The following PPCDC variants were observed in gnomAD, a reference collection of about 807,000 sequenced individuals.
PPCDC encodes the protein phosphopantothenoylcysteine decarboxylase.
A neutral mutation model predicts 20.7 loss-of-function variants in PPCDC; 20 were observed. The ratio of observed to expected loss-of-function variants is 0.97; its 90% CI spans 0.68 to 1.41. PPCDC has a LOEUF of 1.41. Ranked by LOEUF, PPCDC falls within the 40% of genes most tolerant of loss-of-function variation. PPCDC has a pLI of 0.00. For synonymous variants in PPCDC, 88 were observed against 100.3 expected (o/e 0.88, Z 0.73); for missense variants, 246 against 263.8 (o/e 0.93, Z 0.47).
At chr15:75,043,142 T>C (rs960251951) in intron 2 of PPCDC, 4 of 304,374 alleles carry the variant, frequency 1.3e-5, no homozygotes, top group Non-Finnish European at 2.5e-5. Context: ...CCACTGGGCC[T>C]ACCTCTGCCC....
chr15:75,041,826 G>A (rs1023015958), intron 2 of PPCDC, among the ~76,000 whole-genome samples: 1 of 152,120 alleles, frequency 6.6e-6, no homozygotes, highest in African/African-American at 2.4e-5. Flanking sequence ...GTTCCTAGGC[G>A]CTGTGCCGCT....
chr15:75,036,660 G>C (rs1269187580), intron 2 of PPCDC, among the ~76,000 whole-genome samples: 3 of 152,146 alleles, frequency 2.0e-5, no homozygotes, highest in African/African-American at 7.2e-5. Flanking sequence ...AGGCTTAACA[G>C]GACCCCGGGT....
At chr15:75,028,564 T>A (rs1294797180) in intron 2 of PPCDC, 111 bp downstream of exon 2, 7 of 1,456,528 alleles carry the variant, frequency 4.8e-6, no homozygotes, top group Non-Finnish European at 6.6e-6. Context: ...TTTATCATGT[T>A]AATCATGCTT....
intron 2 of PPCDC, among the ~76,000 whole-genome samples, chr15:75,035,828 G>A (rs1401019748): frequency 1.3e-5 from 2 of 152,040 alleles, no homozygotes; most frequent in African/African-American, 4.8e-5. Flanking sequence ...TTAGCTGGGC[G>A]TGGTGGCGCA....
Position 75,049,629 on chromosome 15 carries a change from G to A in PPCDC, c.*394G>A. 1 of 178,838 alleles carries A rather than the reference G, an allele frequency of 5.6e-6. No homozygotes were observed. The allele number at this position is 178,838 out of a possible 1,614,324, so 11.1% of individuals were successfully genotyped here. ...TTGGGAGTTTCAGCTCTTTGGCGGG[G>A]TGCCCAGGTGCCATGCGATCAGCGA... On this transcript the variant is annotated 3_prime_UTR_variant, in exon 6 of 6. Transcript: ENST00000342932.
chr15:75,041,016 C>T (rs1379966236), intron 2 of PPCDC, among the ~76,000 whole-genome samples: 3 of 152,244 alleles, frequency 2.0e-5, no homozygotes, highest in Non-Finnish European at 2.9e-5. Flanking sequence ...TTTCTCCTTT[C>T]GTATCCTTTA....
chr15:75,043,734 C>T (rs1236238509), intron 3 of PPCDC, 198 bp downstream of exon 3: 3 of 580,510 alleles, frequency 5.2e-6, no homozygotes, highest in African/African-American at 1.9e-5. Context: ...CTCCTCCCGG[C>T]CCAGGCAGAG....
chr15:75,028,627 A>C (rs2065985922), intron 2 of PPCDC, among the ~76,000 whole-genome samples, 174 bp downstream of exon 2: 1 of 152,220 alleles, frequency 6.6e-6, no homozygotes, highest in Non-Finnish European at 1.5e-5. Flanking sequence ...GACAGAGACC[A>C]GTGCCCAGTG....
chr15:75,046,806 C>T lies in PPCDC; in HGVS notation c.361-1747C>T, dbSNP rs796681775. On this transcript the variant is annotated intron_variant, in intron 4 of 5. Transcript: ENST00000342932. ...GGGCAGCATGCTAGGTGTGACCGTG[C>T]TCCTGGCCTCCAGGCCCGTGTCCCT... 9.2e-5 allele frequency among the ~76,000 whole-genome samples: 14 copies of T among 152,382 alleles called. 1 individual carries two copies. The highest frequency in any genetic ancestry group is 2.9e-4 in the African/African-American group (12 of 41,588).
chr15:75,043,339 A>C, intron 2 of PPCDC, 102 bp from the exon 3 acceptor site: 16 of 948,910 alleles, frequency 1.7e-5, no homozygotes, highest in Non-Finnish European at 2.2e-5. Context: ...CAGCCTGTGA[A>C]GACAGCACCT....
chr15:75,044,187 A>C (rs543282665), intron 3 of PPCDC, among the ~76,000 whole-genome samples, 199 bp from the exon 4 acceptor site: 2 of 152,256 alleles, frequency 1.3e-5, no homozygotes, highest in South Asian at 4.1e-4. Context: ...GACAAGGGGC[A>C]CTTGTTTCCT....
chr15:75,044,948 A>T, intron 4 of PPCDC: 1 of 186,650 alleles, frequency 5.4e-6, no homozygotes, highest in South Asian at 8.1e-5. Context: ...TTCTTCATAG[A>T]TGGCTCATAT....
rs2141495777 is a variant in PPCDC, at chr15:75,043,468, A to G, written c.163A>G (p.Arg55Gly). Residue 55 changes from arginine to glycine, a missense_variant, in exon 3 of 6, where the codon AGA (arginine) becomes GGA (glycine). This residue lies in a region of PPCDC where 225 missense variants were observed against 222.6 expected (regional missense o/e 1.01). Coordinates refer to ENST00000342932, the MANE Select transcript of PPCDC (RefSeq NM_021823.5). ...GLEVAVVTTE[R>G]AKHFYSPQDI... is the part of the protein sequence containing the mutation. ...GGAAGTAGCAGTGGTCACAACTGAG[A>G]GAGCCAAACATTTCTACAGCCCCCA... The G allele has an allele frequency of 3.7e-6, 6 of 1,612,922 alleles. No homozygotes were observed. The East Asian group carries it at 1.3e-4, about 36-fold the overall frequency.
Position 75,044,746 on chromosome 15 carries a change from C to T in PPCDC, c.360+232C>T, listed in dbSNP as rs1169829756. 1.0e-5 allele frequency: 5 copies of T among 500,172 alleles called. No individual in the cohort carries two copies. The East Asian group carries it at 2.2e-4, about 22-fold the overall frequency. The allele number at this position is 500,172 out of a possible 1,614,324, so 31.0% of individuals were successfully genotyped here. A position where few individuals can be genotyped will look rare whatever the true frequency, so the allele number is the denominator to read the frequency against. On this transcript the variant is annotated intron_variant, in intron 4 of 5. Coordinates refer to ENST00000342932, the MANE Select transcript of PPCDC (RefSeq NM_021823.5). The stretch of plus-strand genomic sequence containing the variant: ...ACCTGCCACTGCTCCCCAGGAGTGT[C>T]CCCCTCTCCCCTGCCCTTGCACCCA...
At chr15:75,046,287 G>A (rs915301319) in intron 4 of PPCDC, among the ~76,000 whole-genome samples, 2 of 152,242 alleles carry the variant, frequency 1.3e-5, no homozygotes, top group Non-Finnish European at 1.5e-5. Context: ...GAACAGTTGA[G>A]TTTCTTGGCT....
chr15:75,044,294 G>A, intron 3 of PPCDC, 92 bp from the exon 4 acceptor site: 1 of 1,550,724 alleles, frequency 6.4e-7, no homozygotes, highest in Non-Finnish European at 8.8e-7. Flanking sequence ...CAGGTCAGTG[G>A]GTTCCTCAGT....
At chr15:75,042,652 CAAAAA>C (rs768744006) in intron 2 of PPCDC, among the ~76,000 whole-genome samples, 2 of 89,818 alleles carry the variant, frequency 2.2e-5, no homozygotes, top group African/African-American at 4.6e-5. Context: ...GACTCCATCT[CAAAAA>C]AAAAAAAAAA....
chr15:75,032,485 G>T lies in PPCDC; in HGVS notation c.135+4032G>T, dbSNP rs1428453815. On this transcript the variant is annotated intron_variant, in intron 2 of 5. Transcript: ENST00000342932. The stretch of plus-strand genomic sequence containing the variant: ...TTACCCACAGGATTAAACTCTGTGG[G>T]GTGTATTTACAAAGTGAAAGGATGT... Among the ~76,000 whole-genome samples the T allele has an allele frequency of 4.6e-5, 7 of 152,104 alleles. No homozygotes were observed. In the East Asian group the frequency reaches 1.3e-3, roughly 29 times the overall value.
At chr15:75,044,111 G>A (rs2066192764) in intron 3 of PPCDC, among the ~76,000 whole-genome samples, 1 of 139,262 alleles carries the variant, frequency 7.2e-6, no homozygotes, top group Non-Finnish European at 1.5e-5. Context: ...AAGCAGACAG[G>A]CCGGGAGCTC....
Sources: allele counts gnomAD v4.1 joint callset (sites outside exome capture counted in the v4.1 genomes callset), GRCh38; gene constraint gnomAD v4.1.1; regional missense constraint gnomAD v4.1.1; transcripts MANE v1.5; gene names NCBI Gene and HGNC (gene_info 2026-07-23, HGNC 2026-07-21).